Variants in ZNF638 observed in about 807,000 individuals in gnomAD.
ZNF638 encodes the protein zinc finger protein 638.
Under a neutral mutation model 195.6 loss-of-function variants are expected in ZNF638, and 46 were observed. The ratio of observed to expected loss-of-function variants is 0.24; its 90% CI spans 0.19 to 0.30. The LOEUF (loss-of-function observed/expected upper bound fraction) is 0.30. Ranked by LOEUF, ZNF638 falls within the 10% of genes least tolerant of loss-of-function variation. The pLI is 1.00. For synonymous variants in ZNF638, 845 were observed against 772.0 expected (o/e 1.09, Z -1.57); for missense variants, 2,440 against 2,325.3 (o/e 1.05, Z -1.01).
chr2:71,407,423 GTT>G (rs2080127816), intron 19 of ZNF638: 2 of 151,816 alleles, frequency 1.3e-5, no homozygotes, highest in Admixed American at 1.3e-4. Context: ...GTTTTCTCTT[GTT>G]TCCTTTAAAT....
Position 71,365,584 on chromosome 2 carries a change from G to T in ZNF638, c.1873G>T (p.Ala625Ser). 6.2e-7 allele frequency: 1 copy of T among 1,614,118 alleles called. No homozygotes were observed. The change falls in exon 6 of 28, where the codon GCT becomes TCT. Residue 625 changes from alanine to serine, a missense_variant. Ala to Ser is a moderately conservative substitution (Grantham distance 99). This residue lies in a region of ZNF638 where 1,883 missense variants were observed against 1,739.1 expected (regional missense o/e 1.08). Coordinates refer to ENST00000264447, the MANE Select transcript of ZNF638 (RefSeq NM_014497.5). ...GTKPSVKPTSATKSDSNLGGH... is the reference protein window; with the variant it reads ...GTKPSVKPTSSTKSDSNLGGH... The stretch of plus-strand genomic sequence containing the variant: ...AAAACCATCAGTTAAACCTACAAGC[G>T]CTACAAAGAGTGATTCAAATCTAGG...
chr2:71,390,739 GATT>G (rs2079756204), intron 10 of ZNF638, among the ~76,000 whole-genome samples: 1 of 152,040 alleles, frequency 6.6e-6, no homozygotes, highest in African/African-American at 2.4e-5. Context: ...TGAATATTTC[GATT>G]ATTAGTTATC....
At chr2:71,433,798 G>T (rs1329445532) in intron 27 of ZNF638, among the ~76,000 whole-genome samples, 1 of 152,170 alleles carries the variant, frequency 6.6e-6, no homozygotes, top group Non-Finnish European at 1.5e-5. Context: ...TGAATTTGTG[G>T]CACAGACACT....
chr2:71,339,937 C>T (rs763327746), intron 1 of ZNF638, among the ~76,000 whole-genome samples: 1 of 152,130 alleles, frequency 6.6e-6, no homozygotes, highest in Non-Finnish European at 1.5e-5. Flanking sequence ...GGCCTGTTTA[C>T]GTATGCAGGT....
At chr2:71,422,166 G>A (rs537952728) in intron 21 of ZNF638, among the ~76,000 whole-genome samples, 126 of 152,128 alleles carry the variant, frequency 8.3e-4, no homozygotes, top group African/African-American at 2.7e-3. Flanking sequence ...GTTCACATAA[G>A]GTGATTATAT....
intron 5 of ZNF638, among the ~76,000 whole-genome samples, chr2:71,364,596 C>T (rs967909621): frequency 4.6e-5 from 7 of 152,154 alleles, no homozygotes; most frequent in African/African-American, 1.7e-4. Context: ...TCAGAACTAG[C>T]TCACACATGC....
Position 71,373,437 on chromosome 2 carries a change from A to ATTTTT in ZNF638, c.2265+3455_2265+3459dup, listed in dbSNP as rs754117239. ...TTATGCATACATATATCAAGTTTGA[A>ATTTTT]TTTTTTTTTTTTTTTTTTTTTTTTT... On this transcript the variant is annotated intron_variant, in intron 8 of 27. Transcript: ENST00000264447. 2.7e-3 allele frequency among the ~76,000 whole-genome samples: 190 copies of ATTTTT among 71,054 alleles called. 25 individuals carry two copies. The highest frequency in any genetic ancestry group is 1.0e-2 in the African/African-American group (178 of 17,856). 46.6% of individuals were successfully genotyped at this position (71,054 alleles called of 152,430 possible).
At chr2:71,416,885 G>A (rs533113849) in intron 20 of ZNF638, among the ~76,000 whole-genome samples, 1 of 149,978 alleles carries the variant, frequency 6.7e-6, no homozygotes, top group Non-Finnish European at 1.5e-5. Flanking sequence ...CTTCAAAGCT[G>A]TCAGACAGGG....
chr2:71,398,704 A>T lies in ZNF638; in HGVS notation c.2432A>T (p.Lys811Ile), dbSNP rs922561099. The T allele has an allele frequency of 6.2e-7, 1 of 1,613,274 alleles. No individual in the cohort carries two copies. Among genetic ancestry groups the T allele is most frequent in the Non-Finnish European group, 8.5e-7 (1 of 1,179,428 alleles). The change falls in exon 12 of 28, where the codon AAA (lysine) becomes ATA (isoleucine). Residue 811 changes from lysine to isoleucine, a missense_variant. Transcript: ENST00000264447. ...SVAKVNKSTG[K>I]SASSVKSVVT... ...GACTGCATCTTTTGTGATTTAGGGA[A>T]ATCAGCAAGTTCTGTAAAATCTGTG...
At chr2:71,400,869 T>C (rs1357669133) in intron 15 of ZNF638, among the ~76,000 whole-genome samples, 1 of 152,108 alleles carries the variant, frequency 6.6e-6, no homozygotes, top group African/African-American at 2.4e-5. Flanking sequence ...TAGAGGTAAA[T>C]GGGAGATATG....
chr2:71,361,995 C>T (rs2079117707), intron 3 of ZNF638, among the ~76,000 whole-genome samples: 1 of 152,130 alleles, frequency 6.6e-6, no homozygotes, highest in Non-Finnish European at 1.5e-5. Context: ...CCTCCATTTC[C>T]TTACCTGGCT....
Position 71,433,148 on chromosome 2 carries a change from C to T in ZNF638, c.5753-17C>T. The T allele has an allele frequency of 6.7e-7, 1 of 1,492,776 alleles. No homozygotes were observed. The highest frequency in any genetic ancestry group is 9.3e-7 in the Non-Finnish European group (1 of 1,073,844). The allele number at this position is 1,492,776 out of a possible 1,614,324, so 92.5% of individuals were successfully genotyped here. On this transcript the variant is annotated splice_polypyrimidine_tract_variant and intron_variant, in intron 26 of 27. Coordinates refer to ENST00000264447, the MANE Select transcript of ZNF638 (RefSeq NM_014497.5). ...TAATTATTGTTAATTTTCTTCTTGT[C>T]TCTTCTTATCCTCTAGAATTAGACT...
At chr2:71,414,087 G>A (rs1420498646) in intron 20 of ZNF638, among the ~76,000 whole-genome samples, 3 of 144,414 alleles carry the variant, frequency 2.1e-5, no homozygotes, top group Admixed American at 7.0e-5. Flanking sequence ...GGTAGAATTC[G>A]GCTGTGAATC....
At position 71,405,611 on chromosome 2, in the gene ZNF638, T is replaced by A; in HGVS notation, c.2969T>A (p.Phe990Tyr). The A allele has an allele frequency of 6.4e-7, 1 of 1,572,948 alleles. No homozygotes were observed. The highest frequency in any genetic ancestry group is 8.7e-7 in the Non-Finnish European group (1 of 1,155,268). The change falls in exon 18 of 28, where the codon TTT becomes TAT. Residue 990 changes from phenylalanine (F) to tyrosine (Y), a missense_variant. Coordinates refer to ENST00000264447, the MANE Select transcript of ZNF638 (RefSeq NM_014497.5). ...ATTTTTGCTTTTTAGGAAGCTATAT[T>A]TATAACCTTGGTAAAAGAAAATGAC... ...NMNIKDEEAI[F>Y]ITLVKENDPE...
intron 1 of ZNF638, among the ~76,000 whole-genome samples, chr2:71,345,644 A>G (rs2078838415): frequency 6.6e-6 from 1 of 152,042 alleles, no homozygotes; most frequent in African/African-American, 2.4e-5. Flanking sequence ...TGGCCTCCCA[A>G]AGTATTGGGA....
chr2:71,337,663 C>T (rs995332912), intron 1 of ZNF638, among the ~76,000 whole-genome samples: 2 of 152,196 alleles, frequency 1.3e-5, no homozygotes, highest in African/African-American at 4.8e-5. Flanking sequence ...GTCTCGGCCT[C>T]CCAAAGTAGT....
intron 1 of ZNF638, among the ~76,000 whole-genome samples, chr2:71,339,394 G>T (rs965112738): frequency 1.3e-5 from 2 of 152,028 alleles, no homozygotes; most frequent in Non-Finnish European, 2.9e-5. Context: ...CTGGTGATCC[G>T]CCCTCCTCAG....
chr2:71,389,304 C>G (rs1309370912), intron 10 of ZNF638, among the ~76,000 whole-genome samples: 1 of 152,186 alleles, frequency 6.6e-6, no homozygotes, highest in Non-Finnish European at 1.5e-5. Context: ...AATGCAAGAT[C>G]AGCAAGGTAC....
At chr2:71,344,381 T>C (rs2078816963) in intron 1 of ZNF638, among the ~76,000 whole-genome samples, 1 of 152,222 alleles carries the variant, frequency 6.6e-6, no homozygotes, top group Non-Finnish European at 1.5e-5. Context: ...CTTTTATAAT[T>C]GCAGAAGCAT....
Sources: gnomAD v4.1 joint callset for allele counts (sites outside exome capture counted in the v4.1 genomes callset) on GRCh38, gnomAD v4.1.1 for gene constraint, gnomAD v4.1.1 regional missense constraint, MANE v1.5 for transcripts, NCBI Gene and HGNC (gene_info 2026-07-23, HGNC 2026-07-21) for gene names.